Variants in RYR3 observed in about 807,000 individuals in gnomAD.
RYR3 encodes ryanodine receptor 3, also known as brain ryanodine receptor-calcium release channel.
In RYR3, 207 loss-of-function variants were observed where a neutral mutation model predicts 584.3. The observed-to-expected ratio is 0.35, with a 90% confidence interval of 0.32 to 0.40. The LOEUF is 0.40. Among genes scored for constraint, RYR3 ranks in the 10% least tolerant of loss-of-function variants. RYR3 has a pLI of 1.00. For synonymous variants in RYR3, 2,416 were observed against 2,248.5 expected, an observed-to-expected ratio of 1.07 and a Z score of -2.11; for missense variants, 5,616 against 6,089.2, an observed-to-expected ratio of 0.92 and a Z score of 2.59.
At chr15:33,628,193 AAT>A (rs1173566437) in intron 20 of RYR3, among the ~76,000 whole-genome samples, 1 of 152,170 alleles carries the variant, frequency 6.6e-6, no homozygotes, top group African/African-American at 2.4e-5. Context: ...GTAGAGAGGA[AAT>A]AGGGTGAGGC....
Position 33,813,004 on chromosome 15 carries a change from A to G in RYR3, c.10389+10A>G, listed in dbSNP as rs1346473227. The G allele has an allele frequency of 5.6e-6, 9 of 1,613,846 alleles. No homozygotes were observed. The highest frequency in any genetic ancestry group is 7.6e-6 in the Non-Finnish European group (9 of 1,179,848). On this transcript the variant is annotated intron_variant, in intron 73 of 103. Coordinates refer to ENST00000634891, the MANE Select transcript of RYR3 (RefSeq NM_001036.6). ...CTTCCACCTGGAACAGGTAAGGAGCATCTGCCCTGAGGAATGGGGAAGCAG... is the reference window on the plus strand; with the variant it reads ...CTTCCACCTGGAACAGGTAAGGAGCGTCTGCCCTGAGGAATGGGGAAGCAG...
At chr15:33,645,620 C>G (rs1373440254) in intron 28 of RYR3, among the ~76,000 whole-genome samples, 1 of 152,176 alleles carries the variant, frequency 6.6e-6, no homozygotes, top group Non-Finnish European at 1.5e-5. Context: ...TTATAGGACC[C>G]AGGACAAGAA....
In RYR3 at chr15:33,473,488, G is replaced by C. The variant is rs1383625599; in HGVS notation, c.121G>C (p.Glu41Gln). 1 of 1,613,822 alleles carries C rather than the reference G, an allele frequency of 6.2e-7. No homozygotes were observed. The highest frequency in any genetic ancestry group is 1.3e-5 in the African/African-American group (1 of 74,910). ...GCAGAGGAAGTTCTGCCTGGCAGCCGAGGGACTTGGGAATCGCCTGTGCTT... is the reference window on the plus strand; with the variant it reads ...GCAGAGGAAGTTCTGCCTGGCAGCCCAGGGACTTGGGAATCGCCTGTGCTT... ...KEQRKFCLAA[E>Q]GLGNRLCFLE... Residue 41 changes from glutamate (E) to glutamine (Q), a missense_variant, in exon 2 of 104, where the codon GAG (glutamate) becomes CAG (glutamine). By Grantham distance (29) the Glu-to-Gln change is conservative. Coordinates refer to ENST00000634891, the MANE Select transcript of RYR3 (RefSeq NM_001036.6).
rs140050118 is a variant in RYR3 at position 33,509,876 on chromosome 15, A to G, written c.279+6138A>G. The stretch of plus-strand genomic sequence containing the variant: ...GGGACACTCCTCCTCCCTACACCTG[A>G]TTGGTAAGAACAGGATATCACATCA... On this transcript the variant is annotated intron_variant, in intron 3 of 103. Coordinates refer to ENST00000634891, the MANE Select transcript of RYR3 (RefSeq NM_001036.6). Among the ~76,000 whole-genome samples, 366 of 152,274 alleles carry G rather than the reference A, an allele frequency of 2.4e-3. 1 individual carries two copies. Among genetic ancestry groups the G allele is most frequent in the African/African-American group, 8.4e-3 (348 of 41,544 alleles).
chr15:33,438,344 C>T (rs1216959879), intron 1 of RYR3, among the ~76,000 whole-genome samples: 3 of 152,130 alleles, frequency 2.0e-5, no homozygotes, highest in African/African-American at 7.2e-5. Flanking sequence ...ATGGTAACCA[C>T]CATTCCACTC....
chr15:33,849,773 T>C (rs1326304683), intron 94 of RYR3: 1 of 152,232 alleles, frequency 6.6e-6, no homozygotes, highest in Admixed American at 6.5e-5. Flanking sequence ...TCAGGCAAAC[T>C]GAGAAGCAGC....
chr15:33,355,331 T>C (rs1376378301), intron 1 of RYR3, among the ~76,000 whole-genome samples: 1 of 152,198 alleles, frequency 6.6e-6, no homozygotes, highest in Non-Finnish European at 1.5e-5. Context: ...ATTATATTAT[T>C]TAATGGCCAG....
chr15:33,701,775 G>C (rs1161544613), intron 42 of RYR3, among the ~76,000 whole-genome samples: 1 of 152,116 alleles, frequency 6.6e-6, no homozygotes, highest in Non-Finnish European at 1.5e-5. Flanking sequence ...AGGTCACTCA[G>C]AAACAGTCAT....
intron 70 of RYR3, among the ~76,000 whole-genome samples, chr15:33,809,613 T>TC (rs1491445544): frequency 2.7e-3 from 10 of 3,680 alleles, no homozygotes; most frequent in South Asian, 0.25. Flanking sequence ...CCTCTCTCTC[T>TC]TTTTTTTTTT....
chr15:33,832,808 G>A lies in RYR3; in HGVS notation c.11463+1717G>A, dbSNP rs185954139. Among the ~76,000 whole-genome samples, 8 of 151,704 alleles carry A rather than the reference G, an allele frequency of 5.3e-5. No homozygotes were observed. The South Asian group carries it at 1.5e-3, about 28-fold the overall frequency. ...GTGGATCACCTGAGGTCAGAAGTTC[G>A]AGAGCAGCCTGGCTAACATGGTGAA... On this transcript the variant is annotated intron_variant, in intron 86 of 103. Transcript: ENST00000634891.
intron 1 of RYR3, among the ~76,000 whole-genome samples, chr15:33,313,677 T>C (rs550211368): frequency 1.2e-4 from 18 of 152,212 alleles, no homozygotes; most frequent in Non-Finnish European, 2.6e-4. Context: ...GGCAGTGTAT[T>C]AGTCATATAT....
chr15:33,479,365 T>TTA (rs924222307), intron 2 of RYR3, among the ~76,000 whole-genome samples: 7 of 152,218 alleles, frequency 4.6e-5, no homozygotes, highest in African/African-American at 1.7e-4. Context: ...CTGATGTATG[T>TTA]TAGTACATAG....
intron 74 of RYR3, among the ~76,000 whole-genome samples, chr15:33,814,647 C>G (rs976717243): frequency 1.7e-4 from 26 of 152,196 alleles, no homozygotes; most frequent in Admixed American, 1.5e-3. Flanking sequence ...TCCTGTAATC[C>G]TAGCACTTTG....
intron 43 of RYR3, chr15:33,722,414 A>C (rs568180011): frequency 6.9e-4 from 278 of 401,504 alleles, no homozygotes; most frequent in Non-Finnish European, 1.0e-3. Flanking sequence ...AATACTTTAA[A>C]CAAACAGATC....
intron 1 of RYR3, among the ~76,000 whole-genome samples, chr15:33,431,065 G>C (rs894469622): frequency 6.6e-6 from 1 of 152,196 alleles, no homozygotes; most frequent in African/African-American, 2.4e-5. Flanking sequence ...GTCAAGAATG[G>C]GTGAAAGTGT....
intron 85 of RYR3, among the ~76,000 whole-genome samples, chr15:33,827,780 C>T (rs996592269): frequency 4.6e-5 from 7 of 152,236 alleles, no homozygotes; most frequent in Non-Finnish European, 1.0e-4. Flanking sequence ...GCTGATTCCT[C>T]ATCCTGGTTC....
At chr15:33,401,484 C>T (rs1421607860) in intron 1 of RYR3, among the ~76,000 whole-genome samples, 1 of 152,184 alleles carries the variant, frequency 6.6e-6, no homozygotes, top group Non-Finnish European at 1.5e-5. Context: ...GCGCCTATCA[C>T]TGCCAGCTGA....
chr15:33,457,053 T>C (rs1023502689), intron 1 of RYR3, among the ~76,000 whole-genome samples: 1 of 152,236 alleles, frequency 6.6e-6, no homozygotes, highest in Non-Finnish European at 1.5e-5. Flanking sequence ...CATGTAAATG[T>C]ATTATTTGAC....
At chr15:33,407,992 AT>A (rs2043139430) in intron 1 of RYR3, among the ~76,000 whole-genome samples, 1 of 145,376 alleles carries the variant, frequency 6.9e-6, no homozygotes, top group Non-Finnish European at 1.5e-5. Context: ...AAAAAAAATG[AT>A]ATCCCAGTTA....
Sources: gnomAD v4.1 joint callset for allele counts (sites outside exome capture counted in the v4.1 genomes callset) on GRCh38, gnomAD v4.1.1 for gene constraint, MANE v1.5 for transcripts, NCBI Gene and HGNC (gene_info 2026-07-23, HGNC 2026-07-21) for gene names.